Variants in DNER observed in about 807,000 individuals in gnomAD.
DNER encodes the protein delta/notch like EGF repeat containing.
Under a neutral mutation model 78.2 loss-of-function variants are expected in DNER, and 33 were observed. The observed-to-expected ratio is 0.42, with a 90% CI of 0.32 to 0.56. DNER has a LOEUF of 0.56. Among genes scored for constraint, DNER ranks in the 20% least tolerant of loss-of-function variants. The pLI, the probability that DNER is intolerant of heterozygous loss-of-function variation, is 0.11. For missense variants in DNER, 918 were observed against 975.3 expected, an observed-to-expected ratio of 0.94 and a Z score of 0.78; for synonymous variants, 417 against 384.8, an observed-to-expected ratio of 1.08 and a Z score of -0.98.
At chr2:229,622,702 G>T (rs1221419563) in intron 1 of DNER, among the ~76,000 whole-genome samples, 1 of 152,134 alleles carries the variant, frequency 6.6e-6, no homozygotes, top group African/African-American at 2.4e-5. Context: ...TGTGGGTCAT[G>T]GATGCCTGCA....
chr2:229,656,884 A>G (rs1016226028), intron 1 of DNER, among the ~76,000 whole-genome samples: 1 of 152,158 alleles, frequency 6.6e-6, no homozygotes, highest in Non-Finnish European at 1.5e-5. Context: ...TTAAAATTGT[A>G]TATATTTGAA....
intron 7 of DNER, among the ~76,000 whole-genome samples, chr2:229,470,068 A>C (rs191662498): frequency 3.3e-5 from 5 of 152,356 alleles, no homozygotes; most frequent in Non-Finnish European, 5.9e-5. Flanking sequence ...TATTACTTTG[A>C]AGCATAAGAA....
chr2:229,515,315 T>C (rs1274676539), intron 5 of DNER, among the ~76,000 whole-genome samples: 1 of 152,240 alleles, frequency 6.6e-6, no homozygotes, highest in Admixed American at 6.5e-5. Flanking sequence ...ACATCTGATA[T>C]GTGCATGAGT....
In DNER at chr2:229,367,114, G is replaced by A. The variant is rs1377562389; in HGVS notation, c.1861C>T (p.Gln621Ter). Residue 621 changes from glutamine (Q) to a stop codon, truncating the protein, a stop_gained, in exon 12 of 13, where the codon CAA becomes TAA. Coordinates refer to ENST00000341772, the MANE Select transcript of DNER (RefSeq NM_139072.4). LOFTEE classifies it high-confidence loss of function. ...TCCGCCATGTGCCCGGACTTCCATT[G>A]GAGGTCTGCAGGCAAAAATAAGCAA... ...WVGANCEIHL[Q>*]WKSGHMAESL... is the part of the protein sequence containing the mutation. 1 of 1,614,070 alleles carries A rather than the reference G, an allele frequency of 6.2e-7. No homozygotes were observed. Among genetic ancestry groups the A allele is most frequent in the East Asian group, 2.2e-5 (1 of 44,870 alleles).
At chr2:229,453,289 G>C (rs537357391) in intron 7 of DNER, among the ~76,000 whole-genome samples, 22 of 152,210 alleles carry the variant, frequency 1.4e-4, no homozygotes, top group Non-Finnish European at 2.6e-4. Flanking sequence ...CAGATGGGGG[G>C]ACAATGTGGA....
At chr2:229,698,069 T>C (rs758760661) in intron 1 of DNER, among the ~76,000 whole-genome samples, 17 of 152,186 alleles carry the variant, frequency 1.1e-4, no homozygotes, top group East Asian at 3.9e-4. Context: ...CCAAGTATGG[T>C]GGCATGTGCC....
intron 4 of DNER, among the ~76,000 whole-genome samples, chr2:229,564,892 G>T (rs551042628): frequency 6.6e-6 from 1 of 152,296 alleles, no homozygotes; most frequent in East Asian, 1.9e-4. Context: ...AGTACAAGTA[G>T]ATTGAGTTCC....
intron 11 of DNER, among the ~76,000 whole-genome samples, chr2:229,377,058 G>A (rs1413625442): frequency 6.6e-6 from 1 of 152,114 alleles, no homozygotes; most frequent in African/African-American, 2.4e-5. Flanking sequence ...AGAGGTGGCT[G>A]TGCAAAGCCT....
At chr2:229,564,001 C>A (rs1022741723) in intron 4 of DNER, among the ~76,000 whole-genome samples, 21 of 144,670 alleles carry the variant, frequency 1.5e-4, no homozygotes, top group Non-Finnish European at 1.1e-4. Context: ...ATCATCCTCA[C>A]CCCATCACCA....
intron 1 of DNER, among the ~76,000 whole-genome samples, chr2:229,647,040 G>A (rs920439408): frequency 6.6e-5 from 10 of 152,160 alleles, no homozygotes; most frequent in Non-Finnish European, 2.9e-5. Flanking sequence ...GGTGGCACAC[G>A]CCCGTAGTCC....
chr2:229,709,341 T>C (rs950298114), intron 1 of DNER, among the ~76,000 whole-genome samples: 2 of 152,218 alleles, frequency 1.3e-5, no homozygotes, highest in Non-Finnish European at 2.9e-5. Flanking sequence ...GATATGAACA[T>C]TGAGGTTCAA....
chr2:229,418,483 A>G (rs577014196), intron 8 of DNER, among the ~76,000 whole-genome samples: 9 of 152,214 alleles, frequency 5.9e-5, no homozygotes, highest in East Asian at 1.9e-4. Flanking sequence ...ATCCACTGAC[A>G]TTTTCATCAT....
chr2:229,675,291 A>T (rs1316981380), intron 1 of DNER, among the ~76,000 whole-genome samples: 3 of 152,146 alleles, frequency 2.0e-5, no homozygotes, highest in African/African-American at 7.2e-5. Flanking sequence ...TGATGTCAGG[A>T]TGAACTGTGG....
chr2:229,479,144 C>T (rs375934332), intron 6 of DNER, among the ~76,000 whole-genome samples: 24 of 152,178 alleles, frequency 1.6e-4, no homozygotes, highest in Admixed American at 5.2e-4. Flanking sequence ...AGGACATGAT[C>T]GCATTCCTTT....
chr2:229,580,419 CTTATG>C (rs997563353), intron 4 of DNER: 4 of 152,204 alleles, frequency 2.6e-5, no homozygotes, highest in South Asian at 2.1e-4. Flanking sequence ...GTAACATGCA[CTTATG>C]TTATAAGTTA....
At chr2:229,640,917 G>A (rs1210091440) in intron 1 of DNER, among the ~76,000 whole-genome samples, 1 of 152,202 alleles carries the variant, frequency 6.6e-6, no homozygotes, top group African/African-American at 2.4e-5. Context: ...GTCCAAAGGG[G>A]TGAGGGAGCT....
intron 5 of DNER, among the ~76,000 whole-genome samples, chr2:229,529,967 A>G (rs534183759): frequency 1.3e-5 from 2 of 152,228 alleles, no homozygotes; most frequent in Admixed American, 6.5e-5. Context: ...ACATCACTAC[A>G]TGCCAGCATG....
intron 1 of DNER, among the ~76,000 whole-genome samples, chr2:229,702,588 C>T (rs923811669): frequency 6.6e-5 from 10 of 151,920 alleles, no homozygotes; most frequent in Non-Finnish European, 2.9e-5. Context: ...TGAGTGTCCA[C>T]GCACTCTTGA....
chr2:229,492,285 A>G (rs1695417433), intron 6 of DNER, among the ~76,000 whole-genome samples: 1 of 152,240 alleles, frequency 6.6e-6, no homozygotes, highest in Admixed American at 6.5e-5. Context: ...ACCAGTAGGT[A>G]GAAGTGGTTA....
Sources: allele counts gnomAD v4.1 joint callset (sites outside exome capture counted in the v4.1 genomes callset), GRCh38; gene constraint gnomAD v4.1.1; transcripts MANE v1.5; gene names NCBI Gene and HGNC (gene_info 2026-07-23, HGNC 2026-07-21).